Variants in RBBP9 observed in about 807,000 individuals in gnomAD.
RBBP9 encodes serine hydrolase RBBP9.
A neutral mutation model predicts 24.2 loss-of-function variants in RBBP9; 20 were observed. That is an observed-to-expected ratio of 0.83 (90% CI 0.58 to 1.20). The LOEUF (loss-of-function observed/expected upper bound fraction) is 1.20, where lower values mean the gene tolerates loss of function less well. Among genes scored for constraint, RBBP9 ranks in the 50% most tolerant of loss-of-function variants. The probability of loss-of-function intolerance (pLI) is 0.00; values close to 1 mark genes in which losing one functional copy is unlikely to be tolerated. For synonymous variants in RBBP9, 74 were observed against 84.6 expected, an observed-to-expected ratio of 0.87 and a Z score of 0.69; for missense variants, 234 against 233.6, an observed-to-expected ratio of 1.00 and a Z score of -0.01.
At chr20:18,493,229 G>C (rs903678987) in intron 3 of RBBP9, among the ~76,000 whole-genome samples, 6 of 152,170 alleles carry the variant, frequency 3.9e-5, no homozygotes, top group African/African-American at 1.4e-4. Flanking sequence ...AATGAGAGCA[G>C]TAGGGATGTG....
At chr20:18,490,581 A>G (rs1046467955) in intron 3 of RBBP9, 101 bp from the exon 4 acceptor site, 1 of 787,270 alleles carries the variant, frequency 1.3e-6, no homozygotes, top group Non-Finnish European at 2.1e-6. Context: ...GCCTACAGAA[A>G]GCACGTGCTA....
intron 2 of RBBP9, among the ~76,000 whole-genome samples, chr20:18,494,491 C>T (rs1416264678): frequency 6.6e-6 from 1 of 151,750 alleles, no homozygotes; most frequent in Non-Finnish European, 1.5e-5. Flanking sequence ...CCAGCCTGCC[C>T]AAATGCTGAA....
rs1468113672 is a variant in RBBP9 at position 18,489,625 on chromosome 20, AGATT to A, written c.*135_*138del. 3.3e-6 allele frequency: 2 copies of A among 610,604 alleles called. No individual in the cohort carries two copies. The highest frequency in any genetic ancestry group is 3.7e-5 in the African/African-American group (2 of 54,180). 37.8% of individuals were successfully genotyped at this position (610,604 alleles called of 1,614,324 possible). A position where few individuals can be genotyped will look rare whatever the true frequency, so the allele number is the denominator to read the frequency against. On this transcript the variant is annotated 3_prime_UTR_variant, in exon 5 of 5. Coordinates refer to ENST00000337227, the MANE Select transcript of RBBP9 (RefSeq NM_006606.3). The stretch of plus-strand genomic sequence containing the variant: ...AAAATGGAAGTGCTATTTGTAACTT[AGATT>A]GAATGTTGAAACTTGTGTTTGTTTT...
rs2059846486 is a variant in RBBP9, at chr20:18,486,954, T to G, written c.*2810A>C. On this transcript the variant is annotated 3_prime_UTR_variant, in exon 5 of 5. Transcript: ENST00000337227. ...TTGGGTGATTTATAGACCTATGATG[T>G]TGGTGGTGATCAGCTAAGCAAACTA... 6.6e-6 allele frequency: 1 copy of G among 152,188 alleles called. No homozygotes were observed. Among genetic ancestry groups the G allele is most frequent in the Non-Finnish European group, 1.5e-5 (1 of 68,042 alleles). The allele number at this position is 152,188 out of a possible 1,614,324, so 9.4% of individuals were successfully genotyped here.
rs1354392549 is a variant in RBBP9 at position 18,497,055 on chromosome 20, C to T, written c.99+14G>A. On this transcript the variant is annotated intron_variant, in intron 1 of 4. Transcript: ENST00000337227. ...CCAGGCTGACTTCACGGAGCAGCGG[C>T]GTTGGGCGCTTACCTTCTCCAGCTC... 1.2e-6 allele frequency: 2 copies of T among 1,609,850 alleles called. No individual in the cohort carries two copies. The highest frequency in any genetic ancestry group is 2.2e-5 in the East Asian group (1 of 44,862).
intron 4 of RBBP9, 121 bp downstream of exon 4, chr20:18,490,274 C>A: frequency 1.3e-6 from 1 of 767,892 alleles, no homozygotes; most frequent in Non-Finnish European, 2.2e-6. Flanking sequence ...GGTGGTATAT[C>A]TTTCTCATAT....
rs1338357239 is a variant in RBBP9, at chr20:18,489,035, C to T, written c.*729G>A. On this transcript the variant is annotated 3_prime_UTR_variant, in exon 5 of 5. Coordinates refer to ENST00000337227, the MANE Select transcript of RBBP9 (RefSeq NM_006606.3). ...TACAATTTGGAGATTTTTTTCCACA[C>T]AAAAAATCAGAAAATTGGCAACACT... 4 of 151,788 alleles carry T rather than the reference C, an allele frequency of 2.6e-5. No individual in the cohort carries two copies. Among genetic ancestry groups the T allele is most frequent in the African/African-American group, 9.7e-5 (4 of 41,302 alleles). 9.4% of individuals were successfully genotyped at this position (151,788 alleles called of 1,614,324 possible). A position where few individuals can be genotyped will look rare whatever the true frequency, so the allele number is the denominator to read the frequency against.
Position 18,490,409 on chromosome 20 carries a change from T to C in RBBP9, c.320A>G (p.Asn107Ser). Residue 107 changes from asparagine to serine, a missense_variant, in exon 4 of 5, where the codon AAT (asparagine) becomes AGT (serine). Coordinates refer to ENST00000337227, the MANE Select transcript of RBBP9 (RefSeq NM_006606.3). ...TTTGGACTTACCACTTGCACGCTCA[T>C]TTTCATCCCCCAAGTCTGATGTGTA... is the stretch of plus-strand genomic sequence containing the variant. ...SAYTSDLGDE[N>S]ERASGYFTRP... 6.2e-7 allele frequency: 1 copy of C among 1,613,332 alleles called. No homozygotes were observed. Among genetic ancestry groups the C allele is most frequent in the Non-Finnish European group, 8.5e-7 (1 of 1,179,308 alleles).
intron 1 of RBBP9, 136 bp downstream of exon 1, chr20:18,496,933 A>G: frequency 1.5e-6 from 1 of 688,624 alleles, no homozygotes; most frequent in Non-Finnish European, 2.5e-6. Flanking sequence ...AAGAGAAGGC[A>G]GCGGGGGAGA....
chr20:18,494,731 C>T (rs2059878815), intron 2 of RBBP9, among the ~76,000 whole-genome samples: 1 of 151,974 alleles, frequency 6.6e-6, no homozygotes, highest in Non-Finnish European at 1.5e-5. Context: ...CACATTTATT[C>T]ATTCTTTCCA....
chr20:18,495,643 TGA>T (rs2059883862), intron 2 of RBBP9, among the ~76,000 whole-genome samples, 193 bp downstream of exon 2: 1 of 118,816 alleles, frequency 8.4e-6, no homozygotes, highest in African/African-American at 3.3e-5. Context: ...TTCACAGAAT[TGA>T]AAAAAAAAAA....
intron 3 of RBBP9, 51 bp from the exon 4 acceptor site, chr20:18,490,531 C>T: frequency 7.3e-7 from 1 of 1,377,188 alleles, no homozygotes; most frequent in Non-Finnish European, 1.0e-6. Flanking sequence ...CCTCTGATCA[C>T]CAAAAAGTCA....
At position 18,489,643 on chromosome 20, in the gene RBBP9, T is replaced by C. The variant is rs2059856707; in HGVS notation, c.*121A>G. On this transcript the variant is annotated 3_prime_UTR_variant, in exon 5 of 5. Transcript: ENST00000337227. ...GTAACTTAGATTGAATGTTGAAACT[T>C]GTGTTTGTTTTTCAGGCACTTACGG... The C allele has an allele frequency of 4.7e-6, 3 of 644,520 alleles. No homozygotes were observed. The highest frequency in any genetic ancestry group is 8.0e-6 in the Non-Finnish European group (3 of 373,540). The allele number at this position is 644,520 out of a possible 1,614,324, so 39.9% of individuals were successfully genotyped here. A position where few individuals can be genotyped will look rare whatever the true frequency, so the allele number is the denominator to read the frequency against.
At chr20:18,490,322 T>C in intron 4 of RBBP9, 73 bp downstream of exon 4, 1 of 1,209,648 alleles carries the variant, frequency 8.3e-7, no homozygotes, top group Non-Finnish European at 1.2e-6. Context: ...AAGACAGCAC[T>C]GTTTTTACAA....
In RBBP9 at chr20:18,494,021, T is replaced by A; in HGVS notation, c.185A>T (p.Glu62Val). 1.2e-6 allele frequency: 2 copies of A among 1,613,812 alleles called. No individual in the cohort carries two copies. The highest frequency in any genetic ancestry group is 1.3e-5 in the African/African-American group (1 of 74,992). ...ESIWLPFMET[E>V]LHCDEKTIII... ...GATAGTCTTCTCATCACAGTGCAGC[T>A]CTGTCTCCATGAAGGGCAGCCAGAT... Residue 62 changes from glutamate (E) to valine (V), a missense_variant, in exon 3 of 5, where the codon GAG becomes GTG. Glu to Val is a moderately radical substitution (Grantham distance 121). Coordinates refer to ENST00000337227, the MANE Select transcript of RBBP9 (RefSeq NM_006606.3).
intron 2 of RBBP9, 82 bp from the exon 3 acceptor site, chr20:18,494,145 A>G: frequency 9.3e-7 from 1 of 1,077,924 alleles, no homozygotes; most frequent in Non-Finnish European, 1.4e-6. Context: ...TCAAACAGGC[A>G]ACTATTCAGC....
chr20:18,492,232 C>G (rs2059868948), intron 3 of RBBP9, among the ~76,000 whole-genome samples: 1 of 151,780 alleles, frequency 6.6e-6, no homozygotes, highest in Non-Finnish European at 1.5e-5. Flanking sequence ...CAATAAATTT[C>G]ACATTGATAC....
Position 18,497,199 on chromosome 20 carries a change from G to C in RBBP9, c.-32C>G. ...AGCGAGGCCAGAGTTCCCCAGCGCG[G>C]GTCCAGCGGAGCTGAGCCCAGCCTG... On this transcript the variant is annotated 5_prime_UTR_variant, in exon 1 of 5. Coordinates refer to ENST00000337227, the MANE Select transcript of RBBP9 (RefSeq NM_006606.3). 2 of 1,573,818 alleles carry C rather than the reference G, an allele frequency of 1.3e-6. No individual in the cohort carries two copies. Among genetic ancestry groups the C allele is most frequent in the Non-Finnish European group, 1.7e-6 (2 of 1,145,226 alleles).
In RBBP9 at chr20:18,490,377, T is replaced by A; in HGVS notation, c.334+18A>T. The A allele has an allele frequency of 6.3e-7, 1 of 1,598,890 alleles. No individual in the cohort carries two copies. Among genetic ancestry groups the A allele is most frequent in the African/African-American group, 1.3e-5 (1 of 74,728 alleles). The stretch of plus-strand genomic sequence containing the variant: ...GTCTAGAGAAGGGCTTTGCTCAGAT[T>A]TCTACCTTTGGACTTACCACTTGCA... On this transcript the variant is annotated intron_variant, in intron 4 of 4. Coordinates refer to ENST00000337227, the MANE Select transcript of RBBP9 (RefSeq NM_006606.3).
Sources: allele counts gnomAD v4.1 joint callset (sites outside exome capture counted in the v4.1 genomes callset), GRCh38; gene constraint gnomAD v4.1.1; transcripts MANE v1.5; gene names NCBI Gene and HGNC (gene_info 2026-07-23, HGNC 2026-07-21).